Variants in GARNL3 observed in about 807,000 individuals in gnomAD.
The protein encoded by GARNL3 is GTPase-activating Rap/Ran-GAP domain-like protein 3.
In GARNL3, 63 loss-of-function variants were observed where a neutral mutation model predicts 125.0. That is an observed-to-expected ratio of 0.50 (90% CI 0.41 to 0.62). The LOEUF (loss-of-function observed/expected upper bound fraction) is 0.62, where lower values mean the gene tolerates loss of function less well. Among genes scored for constraint, GARNL3 ranks in the 20% least tolerant of loss-of-function variants. The pLI, the probability that GARNL3 is intolerant of heterozygous loss-of-function variation, is 0.00. For synonymous variants in GARNL3, 439 were observed against 457.5 expected (o/e 0.96, Z 0.52); for missense variants, 994 against 1,244.0 (o/e 0.80, Z 3.02).
Position 127,385,843 on chromosome 9 carries a change from AG to A in GARNL3, c.2388+699del, listed in dbSNP as rs2053838536. ...GCTGCTGCACTGATGGTTCTGTGAG[AG>A]CAGATGCCATGCTGTCTTACCATCA... On this transcript the variant is annotated intron_variant, in intron 24 of 27. Transcript: ENST00000373387. This position sits in a 1 kb window ranked among gnomAD's most constrained non-coding sequence, Gnocchi z 4.1. 6.6e-6 allele frequency among the ~76,000 whole-genome samples: 1 copy of A among 152,144 alleles called. No individual in the cohort carries two copies. Among genetic ancestry groups the A allele is most frequent in the South Asian group, 2.1e-4 (1 of 4,828 alleles).
chr9:127,311,767 A>G (rs1350855072), intron 3 of GARNL3, 32 bp downstream of exon 3: 2 of 1,443,802 alleles, frequency 1.4e-6, no homozygotes, highest in Middle Eastern at 1.7e-4. Flanking sequence ...TAGGGAAGAA[A>G]GGGTATTCAA....
intron 2 of GARNL3, among the ~76,000 whole-genome samples, chr9:127,253,675 G>C (rs902691459): frequency 5.3e-5 from 8 of 152,130 alleles, no homozygotes; most frequent in Non-Finnish European, 1.5e-5. Context: ...AGTGCTGAGC[G>C]GGGAGTGGTG....
chr9:127,326,976 G>A (rs1489837751), intron 7 of GARNL3, among the ~76,000 whole-genome samples: 1 of 152,036 alleles, frequency 6.6e-6, no homozygotes, highest in Non-Finnish European at 1.5e-5. Flanking sequence ...CCCAGTCTAT[G>A]GTATTTTGTT....
chr9:127,319,196 G>C lies in GARNL3; in HGVS notation c.503+1069G>C, dbSNP rs948499363. ...GGGACTGCATCTGGCTGACTGAAAG[G>C]CACCAAGGCCGGGCGCAATGGTGCA... is the stretch of plus-strand genomic sequence containing the variant. On this transcript the variant is annotated intron_variant, in intron 5 of 27. Coordinates refer to ENST00000373387, the MANE Select transcript of GARNL3 (RefSeq NM_032293.5). Among the ~76,000 whole-genome samples, 4 of 152,066 alleles carry C rather than the reference G, an allele frequency of 2.6e-5. No individual in the cohort carries two copies. In the East Asian group the frequency reaches 7.7e-4, roughly 29 times the overall value.
At position 127,242,935 on chromosome 9, in the gene GARNL3, C is replaced by A; in HGVS notation, c.-28-144C>A. The A allele has an allele frequency of 3.6e-6, 2 of 553,682 alleles. No homozygotes were observed. Among genetic ancestry groups the A allele is most frequent in the Non-Finnish European group, 2.8e-6 (1 of 359,276 alleles). 34.3% of individuals were successfully genotyped at this position (553,682 alleles called of 1,614,324 possible). On this transcript the variant is annotated intron_variant, in intron 1 of 10. Transcript: ENST00000439286. The surrounding 1 kb of genome is among the most constrained non-coding windows in gnomAD (Gnocchi z 4.6). ...AAGGTCATATGCGGTCTTGGTGGGG[C>A]CCCTGGGTCTTGAGGGTGCTTCAGT... is the stretch of plus-strand genomic sequence containing the variant.
intron 12 of GARNL3, among the ~76,000 whole-genome samples, chr9:127,339,296 C>CA (rs58392654): frequency 0.45 from 54,122 of 120,550 alleles, 11,587 homozygotes; most frequent in African/African-American, 0.62. Flanking sequence ...GACTCCGTCT[C>CA]AAAAAAAAAA....
chr9:127,354,047 G>C, intron 18 of GARNL3, 103 bp downstream of exon 18: 1 of 805,820 alleles, frequency 1.2e-6, no homozygotes, highest in South Asian at 1.5e-5. Context: ...AGTTCTGCCA[G>C]CTGTTTCCTT....
At chr9:127,272,243 A>C (rs1276323329) in intron 1 of GARNL3, among the ~76,000 whole-genome samples, 1 of 149,944 alleles carries the variant, frequency 6.7e-6, no homozygotes, top group African/African-American at 2.5e-5. Context: ...CAGCACCCCT[A>C]ACACAACTCA....
chr9:127,269,058 G>A (rs1314606091), intron 1 of GARNL3, among the ~76,000 whole-genome samples: 1 of 152,176 alleles, frequency 6.6e-6, no homozygotes. Flanking sequence ...GGGTGCAGTG[G>A]CACAGTCATG....
chr9:127,270,851 C>T (rs2063806801), intron 1 of GARNL3, among the ~76,000 whole-genome samples: 1 of 152,078 alleles, frequency 6.6e-6, no homozygotes, highest in South Asian at 2.1e-4. Flanking sequence ...CCCCCCAGTC[C>T]CCATGGTTTA....
intron 1 of GARNL3, among the ~76,000 whole-genome samples, chr9:127,288,784 T>C (rs1291373831): frequency 2.0e-5 from 3 of 152,214 alleles, no homozygotes; most frequent in African/African-American, 7.2e-5. Flanking sequence ...TTTTATGATG[T>C]TTAATTTATA....
chr9:127,339,667 A>G lies in GARNL3; in HGVS notation c.1051A>G (p.Ser351Gly). 6.2e-7 allele frequency: 1 copy of G among 1,612,810 alleles called. No homozygotes were observed. The highest frequency in any genetic ancestry group is 8.5e-7 in the Non-Finnish European group (1 of 1,178,766). ...NYRLKIFSEE[S>G]VPLFGPPLPT... ...TAGGCTGAAAATATTTTCAGAAGAG[A>G]GCGTACCACTCTTTGGCCCTCCCTT... The change falls in exon 13 of 28, where the codon AGC becomes GGC. Residue 351 changes from serine to glycine, a missense_variant. Physicochemically the swap from Ser to Gly is moderately conservative, Grantham distance 56 (BLOSUM62 0). Coordinates refer to ENST00000373387, the MANE Select transcript of GARNL3 (RefSeq NM_032293.5).
At chr9:127,339,877 G>A in intron 13 of GARNL3, 126 bp downstream of exon 13, 1 of 715,680 alleles carries the variant, frequency 1.4e-6, no homozygotes, top group South Asian at 1.6e-5. Flanking sequence ...TTAATTCTTT[G>A]CACAACATGT....
At chr9:127,231,947 A>C (rs2063026675) in intron 1 of GARNL3, among the ~76,000 whole-genome samples, 1 of 152,226 alleles carries the variant, frequency 6.6e-6, no homozygotes, top group South Asian at 2.1e-4. Flanking sequence ...GCCCAGGGAC[A>C]TACAGTACTT....
chr9:127,251,424 G>A, intron 2 of GARNL3, among the ~76,000 whole-genome samples: 1 of 151,768 alleles, frequency 6.6e-6, no homozygotes, highest in East Asian at 1.9e-4. Flanking sequence ...TTTCAGGAGA[G>A]CATCTCAGAA....
intron 22 of GARNL3, among the ~76,000 whole-genome samples, chr9:127,368,025 T>C (rs1831381591): frequency 6.8e-6 from 1 of 147,480 alleles, no homozygotes; most frequent in Non-Finnish European, 1.5e-5. Context: ...TTTTTTTTTT[T>C]TTTTTTTGAG....
chr9:127,243,852 C>T (rs118041164), intron 2 of GARNL3, among the ~76,000 whole-genome samples: 1,829 of 152,148 alleles, frequency 0.012, 13 homozygotes, highest in Non-Finnish European at 0.018. Context: ...TATGATAATA[C>T]TCGGATGAAT....
chr9:127,227,650 G>A (rs148572246), intron 1 of GARNL3, among the ~76,000 whole-genome samples: 33 of 151,490 alleles, frequency 2.2e-4, no homozygotes, highest in Middle Eastern at 3.4e-3. Flanking sequence ...TGGGCATCGC[G>A]GCTCACACCT....
At position 127,368,930 on chromosome 9, in the gene GARNL3, C is replaced by G. The variant is rs533283304; in HGVS notation, c.2161+3564C>G. On this transcript the variant is annotated intron_variant, in intron 22 of 27. Coordinates refer to ENST00000373387, the MANE Select transcript of GARNL3 (RefSeq NM_032293.5). ...AGCCTGGGTGACAGAGCAAGACTGT[C>G]AAAACAAAACAAAACAAAACAAAAA... 156 of 80,624 alleles carry G rather than the reference C, an allele frequency of 1.9e-3. 1 individual carries two copies. Among genetic ancestry groups the G allele is most frequent in the Middle Eastern group, 8.6e-3 (1 of 116 alleles). The allele number at this position is 80,624 out of a possible 1,614,324, so 5.0% of individuals were successfully genotyped here. A position where few individuals can be genotyped will look rare whatever the true frequency, so the allele number is the denominator to read the frequency against.
Sources: allele counts gnomAD v4.1 joint callset (sites outside exome capture counted in the v4.1 genomes callset), GRCh38; gene constraint gnomAD v4.1.1; non-coding constraint Gnocchi (gnomAD v3.1); transcripts MANE v1.5; gene names NCBI Gene and HGNC (gene_info 2026-07-23, HGNC 2026-07-21).